Variants in ZNF704 observed in about 807,000 individuals in gnomAD.
ZNF704 encodes zinc finger protein 704.
A neutral mutation model predicts 44.7 loss-of-function variants in ZNF704; 10 were observed. That is an observed-to-expected ratio of 0.22 (90% CI 0.14 to 0.38). The LOEUF is 0.38. Among genes scored for constraint, ZNF704 ranks in the 10% least tolerant of loss-of-function variants. The pLI, the probability that ZNF704 is intolerant of heterozygous loss-of-function variation, is 1.00. For missense variants in ZNF704, 390 were observed against 545.5 expected (o/e 0.71, Z 2.84); for synonymous variants, 211 against 207.6 (o/e 1.02, Z -0.14).
intron 8 of ZNF704, among the ~76,000 whole-genome samples, chr8:80,641,817 C>T (rs574861999): frequency 7.2e-5 from 11 of 152,236 alleles, no homozygotes; most frequent in South Asian, 6.2e-4. Context: ...GCCAAGATCG[C>T]GCTGCACTCC....
At chr8:80,875,546 T>C (rs904736662), upstream of ZNF704, among the ~76,000 whole-genome samples, 27 of 152,258 alleles carry the variant, frequency 1.8e-4, no homozygotes, top group African/African-American at 6.0e-4. Context: ...TCAGATGATT[T>C]GCCTGCCTTG....
chr8:80,664,669 A>G lies in ZNF704; in HGVS notation c.927+146T>C. The stretch of plus-strand genomic sequence containing the variant: ...TAGGACCCTATCTGTGTGAGATCTT[A>G]GGCTTTAAAGGGAGAAAAATCAAAG... On this transcript the variant is annotated intron_variant, in intron 6 of 8. Coordinates refer to ENST00000327835, the MANE Select transcript of ZNF704 (RefSeq NM_001033723.3). 2.1e-6 allele frequency: 2 copies of G among 943,514 alleles called. 1 individual carries two copies. Among genetic ancestry groups the G allele is most frequent in the Non-Finnish European group, 3.2e-6 (2 of 621,210 alleles). The allele number at this position is 943,514 out of a possible 1,614,324, so 58.4% of individuals were successfully genotyped here.
At chr8:80,706,009 T>C (rs917217955) in intron 2 of ZNF704, among the ~76,000 whole-genome samples, 1 of 152,180 alleles carries the variant, frequency 6.6e-6, no homozygotes, top group Non-Finnish European at 1.5e-5. Context: ...AGGGGCGGCA[T>C]GGCCCAGGCT....
At chr8:80,857,185 G>A (rs935301789) in intron 1 of ZNF704, among the ~76,000 whole-genome samples, 6 of 152,000 alleles carry the variant, frequency 3.9e-5, no homozygotes, top group Non-Finnish European at 4.4e-5. Flanking sequence ...TAGAAACAGC[G>A]ATATTTTCTT....
chr8:80,875,872 C>T (rs1809349146), upstream of ZNF704, among the ~76,000 whole-genome samples: 1 of 152,126 alleles, frequency 6.6e-6, no homozygotes, highest in Admixed American at 6.5e-5. Context: ...ACTTTTTGTT[C>T]TCCCTGAATC....
intron 1 of ZNF704, among the ~76,000 whole-genome samples, chr8:80,857,919 G>C (rs942132898): frequency 5.3e-5 from 8 of 151,886 alleles, no homozygotes; most frequent in African/African-American, 1.9e-4. Flanking sequence ...CTCAAATCAT[G>C]GGATATTTCT....
At chr8:80,816,048 C>T (rs1808172028) in intron 2 of ZNF704, among the ~76,000 whole-genome samples, 1 of 152,224 alleles carries the variant, frequency 6.6e-6, no homozygotes, top group Non-Finnish European at 1.5e-5. Context: ...GCCAGAGTCA[C>T]TGTCTGTTCT....
At position 80,659,639 on chromosome 8, in the gene ZNF704, G is replaced by T. The variant is rs1052558924; in HGVS notation, c.978C>A (p.Gly326=). The T allele has an allele frequency of 1.2e-5, 19 of 1,613,902 alleles. No individual in the cohort carries two copies. Among genetic ancestry groups the T allele is most frequent in the Admixed American group, 6.7e-5 (4 of 59,982 alleles). ...ATTGCCAGGAAATGCTGAAGCTGCTGCCATTGGGGGTGAACTTGGCCGATC... is the reference window on the plus strand; with the variant it reads ...ATTGCCAGGAAATGCTGAAGCTGCTTCCATTGGGGGTGAACTTGGCCGATC... ...IPGSAKFTPN[G]SSFSISWQSP... The change falls in exon 7 of 9, where the codon GGC becomes GGA. Residue 326 remains glycine, a synonymous_variant. Coordinates refer to ENST00000327835, the MANE Select transcript of ZNF704 (RefSeq NM_001033723.3).
At position 80,759,284 on chromosome 8, in the gene ZNF704, C is replaced by CTT. The variant is rs200175944; in HGVS notation, c.221+62088_221+62089dup. On this transcript the variant is annotated intron_variant, in intron 2 of 8. Coordinates refer to ENST00000327835, the MANE Select transcript of ZNF704 (RefSeq NM_001033723.3). Reference sequence around the variant, plus strand: ...AAGCCTGAGCTTTTTTTTCCAGGGCCTTTTTTTTTTTTTTCCACTAGCAAA... The same window carrying CTT: ...AAGCCTGAGCTTTTTTTTCCAGGGCCTTTTTTTTTTTTTTTTCCACTAGCAAA... 2.7e-3 allele frequency among the ~76,000 whole-genome samples: 370 copies of CTT among 139,470 alleles called. 2 individuals are homozygous for CTT. Among genetic ancestry groups the CTT allele is most frequent in the African/African-American group, 9.3e-3 (356 of 38,200 alleles). The allele number at this position is 139,470 out of a possible 152,430, so 91.5% of individuals were successfully genotyped here. A position where few individuals can be genotyped will look rare whatever the true frequency, so the allele number is the denominator to read the frequency against.
At chr8:80,841,462 ACT>A (rs765656633) in intron 1 of ZNF704, among the ~76,000 whole-genome samples, 14 of 151,790 alleles carry the variant, frequency 9.2e-5, no homozygotes, top group Non-Finnish European at 1.9e-4. Flanking sequence ...CAATCTGTGT[ACT>A]TCTCTCTATT....
At chr8:80,736,832 CA>C (rs1463816408) in intron 2 of ZNF704, among the ~76,000 whole-genome samples, 1 of 152,040 alleles carries the variant, frequency 6.6e-6, no homozygotes, top group Non-Finnish European at 1.5e-5. Flanking sequence ...CCTGTTCCCC[CA>C]AAACCTACTG....
chr8:80,840,908 T>C (rs55884541), intron 1 of ZNF704, among the ~76,000 whole-genome samples: 30,960 of 152,156 alleles, frequency 0.2, 4,272 homozygotes, highest in African/African-American at 0.4. Flanking sequence ...ATTCCCAATT[T>C]CTATCTGCAG....
chr8:80,826,166 T>C (rs912714524), intron 1 of ZNF704, among the ~76,000 whole-genome samples: 10 of 151,962 alleles, frequency 6.6e-5, no homozygotes, highest in African/African-American at 1.7e-4. Flanking sequence ...ATCAACAAAA[T>C]TGATAGACCA....
At chr8:80,829,663 A>G (rs1339358238) in intron 1 of ZNF704, among the ~76,000 whole-genome samples, 1 of 152,216 alleles carries the variant, frequency 6.6e-6, no homozygotes, top group East Asian at 1.9e-4. Flanking sequence ...TCCTATAGAA[A>G]TACTGTTATA....
At chr8:80,709,752 G>T (rs1206959229) in intron 2 of ZNF704, among the ~76,000 whole-genome samples, 1 of 152,124 alleles carries the variant, frequency 6.6e-6, no homozygotes, top group Non-Finnish European at 1.5e-5. Flanking sequence ...TGTCAGGTAG[G>T]ATAGCCTGCT....
chr8:80,766,571 A>G (rs79984360), intron 2 of ZNF704, among the ~76,000 whole-genome samples: 1 of 152,298 alleles, frequency 6.6e-6, no homozygotes, highest in Non-Finnish European at 1.5e-5. Context: ...TATGTTACTG[A>G]TATTTTGAAA....
chr8:80,819,217 C>T (rs539805610), intron 2 of ZNF704, among the ~76,000 whole-genome samples: 4 of 152,140 alleles, frequency 2.6e-5, no homozygotes, highest in African/African-American at 9.6e-5. Context: ...GTTTAAGAAC[C>T]TCACAATAAC....
chr8:80,778,804 A>G (rs1204623506), intron 2 of ZNF704, among the ~76,000 whole-genome samples: 2 of 152,148 alleles, frequency 1.3e-5, no homozygotes, highest in Admixed American at 6.5e-5. Flanking sequence ...GAGCTAAACA[A>G]TGAGAATTCA....
intron 2 of ZNF704, among the ~76,000 whole-genome samples, chr8:80,700,577 T>A (rs1818793440): frequency 1.3e-5 from 2 of 152,112 alleles, no homozygotes; most frequent in African/African-American, 2.4e-5. Flanking sequence ...AAAACCTGAG[T>A]TCTACCTATT....
Sources: allele counts gnomAD v4.1 joint callset (sites outside exome capture counted in the v4.1 genomes callset), GRCh38; gene constraint gnomAD v4.1.1; transcripts MANE v1.5; gene names NCBI Gene and HGNC (gene_info 2026-07-23, HGNC 2026-07-21).